LYST: variants seen among roughly 807,000 people sequenced by gnomAD.
LYST encodes lysosomal-trafficking regulator.
A neutral mutation model predicts 413.6 loss-of-function variants in LYST; 192 were observed. That is an observed-to-expected ratio of 0.46 (90% CI 0.41 to 0.52). The LOEUF (loss-of-function observed/expected upper bound fraction) is 0.52, where lower values mean the gene tolerates loss of function less well. Among genes scored for constraint, LYST ranks in the 20% least tolerant of loss-of-function variants. The pLI, the probability that LYST is intolerant of heterozygous loss-of-function variation, is 0.00. For missense variants in LYST, 3,815 were observed against 4,499.9 expected (o/e 0.85, Z 4.35); for synonymous variants, 1,525 against 1,567.3 (o/e 0.97, Z 0.64).
chr1:235,787,373 A>G lies in LYST; in HGVS notation c.4689T>C (p.Arg1563=). 7 of 1,613,392 alleles carry G rather than the reference A, an allele frequency of 4.3e-6. No individual in the cohort carries two copies. The highest frequency in any genetic ancestry group is 5.9e-6 in the Non-Finnish European group (7 of 1,179,490). The change falls in exon 14 of 53, where the codon CGT becomes CGC. Residue 1563 remains arginine (R), a splice_region_variant and synonymous_variant. Transcript: ENST00000389793. ...ADPHNATLIF[R]VCMDSNDDMK... ...TGTCATCATTTGAATCCATGCACAC[A>G]CTACAGAAAAAGAGAAAAGGCATAG...
chr1:235,786,093 T>C (rs1228673786), intron 14 of LYST, among the ~76,000 whole-genome samples: 1 of 152,222 alleles, frequency 6.6e-6, no homozygotes, highest in Non-Finnish European at 1.5e-5. Context: ...TTATCACGGC[T>C]TCAGTTTTAT....
At position 235,758,979 on chromosome 1, in the gene LYST, C is replaced by T. The variant is rs774538525; in HGVS notation, c.6874G>A (p.Ala2292Thr). ...ACAAAAACACATAAGTACCTGTGAGCACTTGCAGTTCGGTTGTAATTTGGC... is the reference window on the plus strand; with the variant it reads ...ACAAAAACACATAAGTACCTGTGAGTACTTGCAGTTCGGTTGTAATTTGGC... ...YEPNYNRTAS[A>T]HSVTEDCLVP... The change falls in exon 23 of 53, where the codon GCT becomes ACT. Residue 2292 changes from alanine to threonine, a missense_variant. By Grantham distance (58) the Ala-to-Thr change is moderately conservative. Transcript: ENST00000389793. The T allele has an allele frequency of 2.5e-6, 4 of 1,613,882 alleles. No homozygotes were observed. Among genetic ancestry groups the T allele is most frequent in the Non-Finnish European group, 3.4e-6 (4 of 1,179,902 alleles).
chr1:235,757,841 A>T (rs1361262449), intron 23 of LYST, among the ~76,000 whole-genome samples: 1 of 152,116 alleles, frequency 6.6e-6, no homozygotes, highest in Non-Finnish European at 1.5e-5. Context: ...ATCATTGCAG[A>T]AAGTTTCACT....
intron 25 of LYST, among the ~76,000 whole-genome samples, chr1:235,754,211 CT>C (rs1487196796): frequency 1.5e-5 from 2 of 137,602 alleles, no homozygotes; most frequent in Admixed American, 7.4e-5. Context: ...CATGAGCTAT[CT>C]TTTTTTCTTT....
chr1:235,774,959 T>G lies in LYST; in HGVS notation c.5588A>C (p.Gln1863Pro). ...AATGCATTTTTGTTTGATCAACACC[T>G]GATGAATCATAGAAAGTCCATTACA... ...ENCNGLSMIH[Q>P]VLIKQKCIVG... Residue 1863 changes from glutamine to proline, a missense_variant, in exon 18 of 53, where the codon CAG becomes CCG. Gln to Pro is a moderately conservative substitution (Grantham distance 76). This residue lies in a region of LYST where 530 missense variants were observed against 696.5 expected (regional missense o/e 0.76). Transcript: ENST00000389793. 1 of 1,610,622 alleles carries G rather than the reference T, an allele frequency of 6.2e-7. No homozygotes were observed. The highest frequency in any genetic ancestry group is 8.5e-7 in the Non-Finnish European group (1 of 1,178,358).
intron 48 of LYST, among the ~76,000 whole-genome samples, chr1:235,680,013 A>G (rs1439153675): frequency 1.6e-5 from 2 of 123,742 alleles, no homozygotes; most frequent in Non-Finnish European, 4.0e-5. Context: ...ATAAATATCT[A>G]TGTATACACA....
chr1:235,738,415 A>G, intron 31 of LYST: 1 of 1,613,518 alleles, frequency 6.2e-7, no homozygotes, highest in Non-Finnish European at 8.5e-7. Context: ...TTTCAAATCC[A>G]GTGGATATCT....
chr1:235,793,358 A>G, intron 11 of LYST, 145 bp downstream of exon 11: 1 of 514,910 alleles, frequency 1.9e-6, no homozygotes, highest in Admixed American at 3.7e-5. Context: ...TATTTCACAC[A>G]TAATAACATG....
intron 48 of LYST, among the ~76,000 whole-genome samples, chr1:235,678,506 C>T (rs1659564256): frequency 6.6e-6 from 1 of 152,080 alleles, no homozygotes; most frequent in Admixed American, 6.5e-5. Context: ...ACCAGATGTC[C>T]ACACAGGGTT....
At position 235,854,842 on chromosome 1, in the gene LYST, C is replaced by T. The variant is rs554073657; in HGVS notation, c.-98+12001G>A. ...ATACTAACAACCTCCTACTTGATCA[C>T]ACTGTCTGGTCTATTTTCTGTTTAA... On this transcript the variant is annotated intron_variant, in intron 1 of 52. Coordinates refer to ENST00000389793, the MANE Select transcript of LYST (RefSeq NM_000081.4). The surrounding 1 kb of genome is among the most constrained non-coding windows in gnomAD (Gnocchi z 4.1). Among the ~76,000 whole-genome samples, 2 of 152,298 alleles carry T rather than the reference C, an allele frequency of 1.3e-5. No individual in the cohort carries two copies. The highest frequency in any genetic ancestry group is 4.8e-5 in the African/African-American group (2 of 41,550).
chr1:235,856,853 T>C (rs1003628448), intron 1 of LYST, among the ~76,000 whole-genome samples: 1 of 151,832 alleles, frequency 6.6e-6, no homozygotes, highest in Non-Finnish European at 1.5e-5. Context: ...AAAGGTACAA[T>C]GAAGTCTAGA....
intron 41 of LYST, among the ~76,000 whole-genome samples, chr1:235,715,868 T>TA (rs61338459): frequency 0.44 from 64,929 of 146,180 alleles, 15,746 homozygotes; most frequent in African/African-American, 0.68. Flanking sequence ...TTATCAGAGA[T>TA]AAAAAAAAAA....
At chr1:235,720,518 T>C (rs1663267587) in intron 40 of LYST, 143 bp downstream of exon 40, 1 of 810,514 alleles carries the variant, frequency 1.2e-6, no homozygotes, top group Non-Finnish European at 2.0e-6. Context: ...TTCACAATTG[T>C]TGAACCAGGG....
In LYST at chr1:235,800,935, A is replaced by C. The variant is rs1672144669; in HGVS notation, c.3875T>G (p.Val1292Gly). 6.2e-7 allele frequency: 1 copy of C among 1,613,726 alleles called. No homozygotes were observed. Among genetic ancestry groups the C allele is most frequent in the African/African-American group, 1.3e-5 (1 of 74,930 alleles). ...SKAKLDVLAH[V>G]FESFLKIIRQ... ...AATAATTTTCAAAAAACTCTCAAAT[A>C]CATGGGCAAGCACATCAAGTTTGGC... Residue 1292 changes from valine to glycine, a missense_variant, in exon 9 of 53, where the codon GTA (valine) becomes GGA (glycine). Around this residue, in one of 4 missense-constraint regions of LYST, gnomAD observed 1,648 missense variants for 1,810.3 expected, o/e 0.91. Transcript: ENST00000389793.
Position 235,773,848 on chromosome 1 carries a change from T to G in LYST, c.5778A>C (p.Lys1926Asn). The change falls in exon 19 of 53, where the codon AAA becomes AAC. Residue 1926 changes from lysine (K) to asparagine (N), a missense_variant. Physicochemically the swap from Lys to Asn is moderately conservative, Grantham distance 94 (BLOSUM62 0). Coordinates refer to ENST00000389793, the MANE Select transcript of LYST (RefSeq NM_000081.4). ...ELLLDWKIWS[K>N]AEQGVWETLL... ...AAAAGTACATATTACATGCCTCTGC[T>G]TTACTCCATATCTTCCAGTCAAGCA... is the stretch of plus-strand genomic sequence containing the variant. 1 of 1,612,362 alleles carries G rather than the reference T, an allele frequency of 6.2e-7. No homozygotes were observed. Among genetic ancestry groups the G allele is most frequent in the Non-Finnish European group, 8.5e-7 (1 of 1,178,610 alleles).
At position 235,804,519 on chromosome 1, in the gene LYST, A is replaced by T. The variant is rs1558270691; in HGVS notation, c.3540T>A (p.Asp1180Glu). ...TTATTCATACCTTCTCAGTCATAGC[A>T]TCATTATGTTCAAAATCTGCTGAAT... ...GNYSADFEHN[D>E]AMTEKSHQSA... is the part of the protein sequence containing the mutation. Residue 1180 changes from aspartate (D) to glutamate (E), a missense_variant, in exon 7 of 53, where the codon GAT becomes GAA. Coordinates refer to ENST00000389793, the MANE Select transcript of LYST (RefSeq NM_000081.4). 6.2e-7 allele frequency: 1 copy of T among 1,613,702 alleles called. No individual in the cohort carries two copies. The highest frequency in any genetic ancestry group is 8.5e-7 in the Non-Finnish European group (1 of 1,179,612).
chr1:235,818,930 C>T (rs1674452417), intron 3 of LYST, among the ~76,000 whole-genome samples: 1 of 152,228 alleles, frequency 6.6e-6, no homozygotes, highest in Non-Finnish European at 1.5e-5. Flanking sequence ...AAGGCTCAGA[C>T]CCAGCAACAC....
rs992422280 is a variant in LYST at position 235,773,874 on chromosome 1, A to G, written c.5752T>C (p.Leu1918=). ...TTACTCCATATCTTCCAGTCAAGCA[A>G]TAGTTCCTCTAACAGCTTAACATCT... ...IQDVKLLEEL[L]LDWKIWSKAE... The change falls in exon 19 of 53, where the codon TTG becomes CTG. Residue 1918 remains leucine, a synonymous_variant. Transcript: ENST00000389793. 2.5e-6 allele frequency: 4 copies of G among 1,612,474 alleles called. No individual in the cohort carries two copies. In the African/African-American group the frequency reaches 5.3e-5, roughly 22 times the overall value.
intron 20 of LYST, 56 bp from the exon 21 acceptor site, chr1:235,766,333 A>AT (rs909090100): frequency 7.4e-7 from 1 of 1,348,994 alleles, no homozygotes; most frequent in Non-Finnish European, 1.0e-6. Context: ...CTTAACTAAG[A>AT]TTTTTCATTT....
Sources: allele counts gnomAD v4.1 joint callset (sites outside exome capture counted in the v4.1 genomes callset), GRCh38; gene constraint gnomAD v4.1.1; regional missense constraint gnomAD v4.1.1; non-coding constraint Gnocchi (gnomAD v3.1); transcripts MANE v1.5; gene names NCBI Gene and HGNC (gene_info 2026-07-23, HGNC 2026-07-21).